RAVER2: variants seen among roughly 807,000 people sequenced by gnomAD.
RAVER2 encodes ribonucleoprotein, PTB binding 2, also known as ribonucleoprotein PTB-binding 2.
Under a neutral mutation model 78.1 loss-of-function variants are expected in RAVER2, and 46 were observed. That is an observed-to-expected ratio of 0.59 (90% CI 0.46 to 0.75). The LOEUF (loss-of-function observed/expected upper bound fraction) is 0.75. Among genes scored for constraint, RAVER2 ranks in the 30% least tolerant of loss-of-function variants. The probability of loss-of-function intolerance (pLI) is 0.00; values close to 1 mark genes in which losing one functional copy is unlikely to be tolerated. For missense variants in RAVER2, 793 were observed against 837.5 expected (o/e 0.95, Z 0.66); for synonymous variants, 311 against 313.3 (o/e 0.99, Z 0.08).
chr1:64,804,955 T>G (rs752066943), intron 7 of RAVER2, 36 bp from the exon 8 acceptor site: 36 of 1,589,732 alleles, frequency 2.3e-5, no homozygotes, highest in Non-Finnish European at 3.0e-5. Context: ...TTATATCTTA[T>G]GGCCATGGGT....
chr1:64,768,523 C>A lies in RAVER2; in HGVS notation c.250-133C>A, dbSNP rs1204343351. 6.2e-6 allele frequency: 4 copies of A among 643,756 alleles called. No homozygotes were observed. In the Admixed American group the frequency reaches 1.2e-4, roughly 20 times the overall value. The allele number at this position is 643,756 out of a possible 1,614,324, so 39.9% of individuals were successfully genotyped here. A position where few individuals can be genotyped will look rare whatever the true frequency, so the allele number is the denominator to read the frequency against. On this transcript the variant is annotated intron_variant, in intron 1 of 11. Coordinates refer to ENST00000294428, the Ensembl canonical transcript of RAVER2. ...TTTAATTTAAGTAAGTAATGGGGAT[C>A]CATGAAATAATTTTTTTTTTTTACA...
exon 12 of RAVER2, chr1:64,832,474 G>T (rs918364745): frequency 1.3e-5 from 2 of 152,492 alleles, no homozygotes; most frequent in East Asian, 3.9e-4. Flanking sequence ...GTTTGTTTAT[G>T]TTATAAGACT....
chr1:64,813,987 T>A (rs1489889637), intron 10 of RAVER2, among the ~76,000 whole-genome samples: 2 of 152,124 alleles, frequency 1.3e-5, no homozygotes, highest in Admixed American at 1.3e-4. Flanking sequence ...TGCTGTGGTG[T>A]GATCTTGGCT....
exon 9 of RAVER2, chr1:64,807,223 A>C (rs564266018): frequency 3.5e-5 from 57 of 1,613,822 alleles, no homozygotes; most frequent in Non-Finnish European, 4.5e-5. Flanking sequence ...CCTGATTCCA[A>C]CTCAAACAAC....
chr1:64,794,909 T>A (rs1004632172), intron 5 of RAVER2, among the ~76,000 whole-genome samples: 5 of 152,126 alleles, frequency 3.3e-5, no homozygotes, highest in Non-Finnish European at 7.4e-5. Context: ...TTTCTAAGAT[T>A]TTCTTGTATG....
chr1:64,824,060 G>T (rs61784685), intron 11 of RAVER2, among the ~76,000 whole-genome samples: 1 of 152,156 alleles, frequency 6.6e-6, no homozygotes, highest in Non-Finnish European at 1.5e-5. Flanking sequence ...GCCTGCCTTG[G>T]TCTTCCAAAG....
At chr1:64,805,614 C>G (rs1050673241) in intron 8 of RAVER2, among the ~76,000 whole-genome samples, 1 of 152,070 alleles carries the variant, frequency 6.6e-6, no homozygotes, top group Non-Finnish European at 1.5e-5. Context: ...GGCAGGAAAA[C>G]AGAAGCATGG....
intron 2 of RAVER2, among the ~76,000 whole-genome samples, chr1:64,773,621 A>T (rs1652381600): frequency 6.6e-6 from 1 of 152,244 alleles, no homozygotes; most frequent in Non-Finnish European, 1.5e-5. Flanking sequence ...TGCTATTGTA[A>T]ATAGTGCTGC....
chr1:64,805,340 C>T (rs182982254), intron 8 of RAVER2, among the ~76,000 whole-genome samples: 14 of 152,268 alleles, frequency 9.2e-5, no homozygotes, highest in Admixed American at 5.9e-4. Flanking sequence ...ATATTTTATG[C>T]AGGTTCACAG....
At chr1:64,794,692 G>C (rs945061542) in intron 5 of RAVER2, among the ~76,000 whole-genome samples, 3 of 152,002 alleles carry the variant, frequency 2.0e-5, no homozygotes, top group Admixed American at 2.0e-4. Flanking sequence ...GTTAAAAACT[G>C]AGTTGTTTGT....
intron 5 of RAVER2, among the ~76,000 whole-genome samples, chr1:64,794,397 C>CAAAAA (rs60233578): frequency 1.7e-5 from 1 of 59,960 alleles, no homozygotes; most frequent in Admixed American, 1.5e-4. Context: ...GACTCCGTCT[C>CAAAAA]AAAAAAAAAA....
intron 11 of RAVER2, among the ~76,000 whole-genome samples, chr1:64,820,494 T>C (rs1183892705): frequency 6.6e-6 from 1 of 152,198 alleles, no homozygotes; most frequent in Non-Finnish European, 1.5e-5. Flanking sequence ...TTTTTGTACA[T>C]ATTATTTCAT....
At chr1:64,790,307 T>C (rs1433185373) in intron 5 of RAVER2, among the ~76,000 whole-genome samples, 3 of 152,254 alleles carry the variant, frequency 2.0e-5, no homozygotes, top group African/African-American at 7.2e-5. Flanking sequence ...CTGCTTCTCC[T>C]GCCTTGGCTA....
In RAVER2 at chr1:64,807,245, G is replaced by C. The variant is rs1173388265; in HGVS notation, c.1451G>C (p.Gly484Ala). Residue 484 changes from glycine (G) to alanine (A), a missense_variant, in exon 9 of 12, where the codon GGA becomes GCA. Gly to Ala is a moderately conservative substitution (Grantham distance 60, BLOSUM62 0). Transcript: ENST00000294428. ...CCAACTCAAACAACGATAACAGCTGGAATGGGCATGTTACCATTCTTTCCA... is the reference window on the plus strand; with the variant it reads ...CCAACTCAAACAACGATAACAGCTGCAATGGGCATGTTACCATTCTTTCCA... 3 of 1,614,016 alleles carry C rather than the reference G, an allele frequency of 1.9e-6. No individual in the cohort carries two copies. The African/African-American group carries it at 4.0e-5, about 22-fold the overall frequency.
At chr1:64,812,503 T>G (rs948270254) in intron 9 of RAVER2, among the ~76,000 whole-genome samples, 4 of 152,144 alleles carry the variant, frequency 2.6e-5, no homozygotes, top group Non-Finnish European at 5.9e-5. Flanking sequence ...AATGAGAAGG[T>G]TGTATAAGAT....
intron 1 of RAVER2, among the ~76,000 whole-genome samples, chr1:64,747,415 T>C (rs996158030): frequency 6.6e-6 from 1 of 152,214 alleles, no homozygotes; most frequent in African/African-American, 2.4e-5. Flanking sequence ...ATGGTTAATA[T>C]GGCTTTTGTT....
At chr1:64,764,221 G>A (rs1473562489) in intron 1 of RAVER2, among the ~76,000 whole-genome samples, 1 of 151,944 alleles carries the variant, frequency 6.6e-6, no homozygotes, top group East Asian at 1.9e-4. Flanking sequence ...AGAACCAGAA[G>A]CAAGAGACAA....
chr1:64,792,175 G>T (rs1396699574), intron 5 of RAVER2, among the ~76,000 whole-genome samples: 1 of 152,114 alleles, frequency 6.6e-6, no homozygotes, highest in African/African-American at 2.4e-5. Flanking sequence ...TCTCTTTGCA[G>T]ATTACAGTTC....
chr1:64,745,213 C>A lies in RAVER2; in HGVS notation c.41C>A (p.Ala14Glu). Residue 14 changes from alanine (A) to glutamate (E), a missense_variant, in exon 1 of 12, where the codon GCG (alanine) becomes GAG (glutamate). Coordinates refer to ENST00000294428, the Ensembl canonical transcript of RAVER2. This position sits in a 1 kb window ranked among gnomAD's most constrained non-coding sequence, Gnocchi z 4.3. ...GGAGACGGCGGCGGCGAGGGGGGCGCGGGCCTGGGCAGCGCGGCGGGGCTG... is the reference window on the plus strand; with the variant it reads ...GGAGACGGCGGCGGCGAGGGGGGCGAGGGCCTGGGCAGCGCGGCGGGGCTG... 9.4e-7 allele frequency: 1 copy of A among 1,060,942 alleles called. No homozygotes were observed. The highest frequency in any genetic ancestry group is 4.4e-5 in the South Asian group (1 of 22,808). 65.7% of individuals were successfully genotyped at this position (1,060,942 alleles called of 1,614,324 possible).
Sources: gnomAD v4.1 joint callset for allele counts (sites outside exome capture counted in the v4.1 genomes callset) on GRCh38, gnomAD v4.1.1 for gene constraint, Gnocchi (gnomAD v3.1) non-coding constraint, MANE v1.5 for transcripts, NCBI Gene and HGNC (gene_info 2026-07-23, HGNC 2026-07-21) for gene names.